PDXDC1: variants seen among roughly 807,000 people sequenced by gnomAD.
The protein encoded by PDXDC1 is pyridoxal-dependent decarboxylase domain-containing protein 1.
In PDXDC1, 42 loss-of-function variants were observed where a neutral mutation model predicts 100.1. The ratio of observed to expected loss-of-function variants is 0.42; its 90% confidence interval spans 0.33 to 0.54. The LOEUF (loss-of-function observed/expected upper bound fraction) is 0.54, where lower values mean the gene tolerates loss of function less well. Ranked by LOEUF, PDXDC1 falls within the 20% of genes least tolerant of loss-of-function variation. PDXDC1 has a pLI of 0.10. For synonymous variants in PDXDC1, 260 were observed against 371.7 expected, an observed-to-expected ratio of 0.70 and a Z score of 3.46; for missense variants, 636 against 979.2, an observed-to-expected ratio of 0.65 and a Z score of 4.68.
the PDXDC1 span, among the ~76,000 whole-genome samples, chr16:15,144,754 G>A: frequency 1.3e-5 from 2 of 152,318 alleles, no homozygotes; most frequent in African/African-American, 2.4e-5. Context: ...GAGGCTGAAC[G>A]AGGGAGATGA....
downstream of PDXDC1, chr16:15,040,207 C>A: frequency 2.2e-6 from 1 of 456,866 alleles, no homozygotes; most frequent in Non-Finnish European, 3.9e-6. Context: ...ACTTCCCCCT[C>A]CCTGGAGGGG....
At chr16:14,978,073 T>G (rs1967094988) in intron 1 of PDXDC1, among the ~76,000 whole-genome samples, 2 of 152,032 alleles carry the variant, frequency 1.3e-5, no homozygotes, top group African/African-American at 2.4e-5. Context: ...AGACCTGTGA[T>G]AACAGAGCCA....
At chr16:15,042,085 G>A (rs146251950), downstream of PDXDC1, among the ~76,000 whole-genome samples, 105 of 152,184 alleles carry the variant, frequency 6.9e-4, no homozygotes, top group East Asian at 0.017. Flanking sequence ...TAAGGAAGTC[G>A]GTTTTTAATG....
chr16:15,078,607 G>C lies in PDXDC1; in HGVS notation c.1399+48551G>C, dbSNP rs539161108. ...CTCCTCCTTCCGGCGGATCCTTCCT[G>C]AGCATCCAGGCTCTTGGTTTTCCCC... On this transcript the variant is annotated intron_variant, in intron 16 of 16. Transcript: ENST00000535621. Among the ~76,000 whole-genome samples the C allele has an allele frequency of 7.9e-5, 12 of 152,200 alleles. No individual in the cohort carries two copies. The South Asian group carries it at 2.5e-3, about 32-fold the overall frequency.
chr16:14,997,390 AT>A (rs1307738185), intron 1 of PDXDC1, among the ~76,000 whole-genome samples: 1 of 152,270 alleles, frequency 6.6e-6, no homozygotes, highest in Non-Finnish European at 1.5e-5. Flanking sequence ...AAATACAAAA[AT>A]TAGCTGGGCA....
intron 19 of PDXDC1, among the ~76,000 whole-genome samples, chr16:15,033,922 A>C (rs2043228356): frequency 6.6e-6 from 1 of 152,174 alleles, no homozygotes; most frequent in Admixed American, 6.5e-5. Context: ...AAAAGGAGAG[A>C]AGAGGGACCA....
intron 16 of PDXDC1, chr16:15,048,165 G>A (rs2044151803): frequency 8.6e-7 from 1 of 1,166,570 alleles, no homozygotes; most frequent in Non-Finnish European, 1.3e-6. Flanking sequence ...CTAAAGATGT[G>A]GAGAGAGCCA....
chr16:15,140,530 G>C (rs1318261302), downstream of PDXDC1, among the ~76,000 whole-genome samples: 1 of 150,900 alleles, frequency 6.6e-6, no homozygotes, highest in East Asian at 1.9e-4. Flanking sequence ...AACAAAAAAA[G>C]AAAAACCAGG....
the PDXDC1 span, among the ~76,000 whole-genome samples, chr16:15,144,406 C>G: frequency 6.6e-6 from 1 of 152,240 alleles, no homozygotes; most frequent in Non-Finnish European, 1.5e-5. Context: ...CAGTGCAGCC[C>G]CGGGCTGGGC....
At chr16:15,145,383 C>G in the PDXDC1 span, among the ~76,000 whole-genome samples, 1 of 152,370 alleles carries the variant, frequency 6.6e-6, no homozygotes, top group East Asian at 1.9e-4. Flanking sequence ...AGCCCCTGTA[C>G]TCCCACAGCT....
At chr16:15,081,028 T>C (rs992326043) in intron 16 of PDXDC1, among the ~76,000 whole-genome samples, 1 of 152,204 alleles carries the variant, frequency 6.6e-6, no homozygotes, top group Non-Finnish European at 1.5e-5. Flanking sequence ...TTTTGGCATG[T>C]TTTTAGGGTC....
chr16:15,125,724 G>C, intron 16 of PDXDC1: 1 of 1,450,196 alleles, frequency 6.9e-7, no homozygotes, highest in Non-Finnish European at 9.6e-7. Flanking sequence ...TGAGGAAGGA[G>C]CTGTCCAGCA....
intron 13 of PDXDC1, among the ~76,000 whole-genome samples, chr16:15,024,825 A>G (rs1344753765): frequency 2.0e-5 from 3 of 152,306 alleles, no homozygotes; most frequent in Non-Finnish European, 4.4e-5. Context: ...CCACCGTCAG[A>G]CATCACTCCA....
intron 1 of PDXDC1, among the ~76,000 whole-genome samples, chr16:14,996,193 T>C (rs1192675389): frequency 1.3e-5 from 2 of 152,290 alleles, no homozygotes; most frequent in Non-Finnish European, 2.9e-5. Context: ...CTTAGGTCCC[T>C]TCTAGAATGT....
At chr16:15,028,074 G>C (rs1424461508) in intron 14 of PDXDC1, among the ~76,000 whole-genome samples, 1 of 152,270 alleles carries the variant, frequency 6.6e-6, no homozygotes, top group African/African-American at 2.4e-5. Flanking sequence ...GTCGAACAAA[G>C]GCCAGGCTCT....
chr16:15,043,379 A>G (rs2043912009), intron 16 of PDXDC1, among the ~76,000 whole-genome samples: 1 of 152,224 alleles, frequency 6.6e-6, no homozygotes, highest in South Asian at 2.1e-4. Flanking sequence ...CCCTGTCTCC[A>G]CAAAAAATTT....
intron 16 of PDXDC1, chr16:15,128,141 G>A (rs1436638535): frequency 1.9e-6 from 3 of 1,609,544 alleles, no homozygotes; most frequent in Non-Finnish European, 1.7e-6. Context: ...GAGCCCTGCA[G>A]AGGCGCGGGA....
intron 19 of PDXDC1, 53 bp from the exon 20 acceptor site, chr16:15,034,233 G>T: frequency 6.6e-7 from 1 of 1,511,042 alleles, no homozygotes; most frequent in East Asian, 2.3e-5. Flanking sequence ...TAGCTCTTCT[G>T]GGCCCCAGGT....
In PDXDC1 at chr16:15,094,314, G is replaced by C. The variant is rs1255953139; in HGVS notation, c.1400-44565G>C. On this transcript the variant is annotated intron_variant, in intron 16 of 16. Coordinates refer to the PDXDC1 transcript ENST00000535621. ...CCACAGCCTCTGTCCCGGAAGTTGC[G>C]CGTGCCAGCGCAACCTTCAGCCAAT... 4.7e-6 allele frequency: 6 copies of C among 1,269,264 alleles called. No homozygotes were observed. The African/African-American group carries it at 6.0e-5, about 13-fold the overall frequency. 78.6% of individuals were successfully genotyped at this position (1,269,264 alleles called of 1,614,324 possible).
Sources: gnomAD v4.1 joint callset for allele counts (sites outside exome capture counted in the v4.1 genomes callset) on GRCh38, gnomAD v4.1.1 for gene constraint, MANE v1.5 for transcripts, NCBI Gene and HGNC (gene_info 2026-07-23, HGNC 2026-07-21) for gene names.